The following TLK1 variants were observed in gnomAD, a reference collection of about 807,000 sequenced individuals.
TLK1 encodes tousled like kinase 1, also known as serine/threonine-protein kinase tousled-like 1.
TLK1 carries 24 observed loss-of-function variants against 105.3 expected under a neutral mutation model. The ratio of observed to expected loss-of-function variants is 0.23; its 90% confidence interval spans 0.17 to 0.32. The LOEUF is 0.32. Ranked by LOEUF, TLK1 falls within the 10% of genes least tolerant of loss-of-function variation. The pLI, the probability that TLK1 is intolerant of heterozygous loss-of-function variation, is 1.00. For missense variants in TLK1, 558 were observed against 910.5 expected, an observed-to-expected ratio of 0.61 and a Z score of 4.98; for synonymous variants, 321 against 310.4, an observed-to-expected ratio of 1.03 and a Z score of -0.36.
rs573856796 is a variant in TLK1 at position 171,036,396 on chromosome 2, A to C, written c.1170-7991T>G. Among the ~76,000 whole-genome samples, 414 of 152,200 alleles carry C rather than the reference A, an allele frequency of 2.7e-3. 1 individual carries two copies. Among genetic ancestry groups the C allele is most frequent in the Non-Finnish European group, 3.6e-3 (244 of 67,992 alleles). On this transcript the variant is annotated intron_variant, in intron 11 of 20. Transcript: ENST00000431350. ...AGAGCGAGACTCTGTCTCCCCCCCC[A>C]AAAAAAGCATAATTTCTAAAAAGTT...
At chr2:171,202,235 C>T (rs1378299585) in intron 1 of TLK1, among the ~76,000 whole-genome samples, 1 of 152,164 alleles carries the variant, frequency 6.6e-6, no homozygotes, top group African/African-American at 2.4e-5. Context: ...GAGGGCGGAT[C>T]ACCTGAGGTC....
intron 3 of TLK1, among the ~76,000 whole-genome samples, chr2:171,064,092 A>T (rs1337589413): frequency 1.3e-5 from 2 of 152,222 alleles, no homozygotes; most frequent in Non-Finnish European, 2.9e-5. Context: ...ACCAAAAAGC[A>T]AACGAATGCA....
intron 12 of TLK1, among the ~76,000 whole-genome samples, chr2:171,016,021 C>T (rs1485300703): frequency 1.3e-5 from 2 of 151,954 alleles, no homozygotes; most frequent in African/African-American, 2.4e-5. Context: ...GAAGTTGCAG[C>T]AAGCTGAGAT....
At chr2:171,171,417 C>A (rs1692723098) in intron 1 of TLK1, among the ~76,000 whole-genome samples, 2 of 150,394 alleles carry the variant, frequency 1.3e-5, no homozygotes, top group Non-Finnish European at 2.9e-5. Flanking sequence ...GTAGGTAGTC[C>A]TAGCTACTGA....
At chr2:171,097,329 A>T (rs898119296) in intron 2 of TLK1, among the ~76,000 whole-genome samples, 1 of 152,216 alleles carries the variant, frequency 6.6e-6, no homozygotes, top group African/African-American at 2.4e-5. Context: ...AAATCAACTC[A>T]AAATGAATTA....
chr2:171,048,459 T>C (rs999761066), intron 10 of TLK1, among the ~76,000 whole-genome samples: 5 of 152,220 alleles, frequency 3.3e-5, no homozygotes, highest in African/African-American at 9.6e-5. Context: ...CATGCTTTAA[T>C]CACCTTTCAT....
chr2:171,002,637 T>A (rs1438833106), intron 18 of TLK1, among the ~76,000 whole-genome samples: 1 of 152,026 alleles, frequency 6.6e-6, no homozygotes, highest in East Asian at 1.9e-4. Flanking sequence ...GCATTTTCTT[T>A]GTCCTTTTCT....
chr2:171,127,143 G>C (rs1690900061), intron 1 of TLK1, among the ~76,000 whole-genome samples: 1 of 151,732 alleles, frequency 6.6e-6, no homozygotes, highest in African/African-American at 2.4e-5. Flanking sequence ...CAGGCGTGGT[G>C]GTGCACACCT....
Position 171,144,545 on chromosome 2 carries a change from A to G in TLK1, c.139+15745T>C, listed in dbSNP as rs541381905. Among the ~76,000 whole-genome samples the G allele has an allele frequency of 9.8e-5, 15 of 152,322 alleles. No homozygotes were observed. The South Asian group carries it at 3.1e-3, about 32-fold the overall frequency. ...AAAATCGAGAAATTCACAAATATGC[A>G]GAAATTAACATATTCCTAAATAAAT... On this transcript the variant is annotated intron_variant, in intron 1 of 20. Coordinates refer to ENST00000431350, the MANE Select transcript of TLK1 (RefSeq NM_012290.5).
intron 12 of TLK1, among the ~76,000 whole-genome samples, chr2:171,024,661 T>C (rs1421739735): frequency 3.3e-5 from 5 of 152,168 alleles, no homozygotes; most frequent in South Asian, 4.1e-4. Flanking sequence ...GTCATTGAAA[T>C]AGGAGTGGGA....
chr2:171,187,018 A>G (rs1314277516), intron 1 of TLK1, among the ~76,000 whole-genome samples: 2 of 129,514 alleles, frequency 1.5e-5, no homozygotes, highest in Non-Finnish European at 3.2e-5. Context: ...AGATCATGCC[A>G]TTGCACTCCA....
intron 1 of TLK1, among the ~76,000 whole-genome samples, chr2:171,132,896 T>A (rs966953953): frequency 1.1e-4 from 16 of 152,084 alleles, no homozygotes; most frequent in Non-Finnish European, 1.9e-4. Flanking sequence ...AATCTAAATC[T>A]CAACTCCACC....
chr2:171,129,030 G>A (rs1425262973), intron 1 of TLK1, among the ~76,000 whole-genome samples: 1 of 152,068 alleles, frequency 6.6e-6, no homozygotes, highest in East Asian at 1.9e-4. Flanking sequence ...GAAAAACAGA[G>A]CATGTACTTG....
chr2:170,997,849 A>G, intron 18 of TLK1, 26 bp from the exon 19 acceptor site: 1 of 1,387,546 alleles, frequency 7.2e-7, no homozygotes, highest in South Asian at 1.3e-5. Flanking sequence ...GAGAGAAAAA[A>G]GGTTACTACT....
rs577230589 is a variant in TLK1 at position 171,140,248 on chromosome 2, T to C, written c.139+20042A>G. ...TAAAAATAAAAGCAAACAAGGACTT[T>C]CTCCTTCCAGTAATGGTGATCAGGT... On this transcript the variant is annotated intron_variant, in intron 1 of 20. Transcript: ENST00000431350. Among the ~76,000 whole-genome samples, 3 of 152,222 alleles carry C rather than the reference T, an allele frequency of 2.0e-5. No homozygotes were observed. The South Asian group carries it at 6.2e-4, about 32-fold the overall frequency.
In TLK1 at chr2:171,094,819, G is replaced by GCTGGT. The variant is rs561267911; in HGVS notation, c.259-11972_259-11968dup. Among the ~76,000 whole-genome samples, 20 of 152,216 alleles carry GCTGGT rather than the reference G, an allele frequency of 1.3e-4. 1 individual carries two copies. In the South Asian group the frequency reaches 4.1e-3, roughly 32 times the overall value. On this transcript the variant is annotated intron_variant, in intron 2 of 20. Transcript: ENST00000431350. Reference sequence around the variant, plus strand: ...GACAGGGTTTCACCATGTTGGTCAGGCTGGTCTCGAACTCCTGACCTCAGG... The same window carrying GCTGGT: ...GACAGGGTTTCACCATGTTGGTCAGGCTGGTCTGGTCTCGAACTCCTGACCTCAGG...
At chr2:171,035,545 T>C (rs1028361852) in intron 11 of TLK1, among the ~76,000 whole-genome samples, 7 of 152,172 alleles carry the variant, frequency 4.6e-5, no homozygotes, top group African/African-American at 1.7e-4. Context: ...AGCAAACTAA[T>C]ACAATGACTT....
At chr2:171,115,753 G>C (rs994012064) in intron 2 of TLK1, among the ~76,000 whole-genome samples, 1 of 151,970 alleles carries the variant, frequency 6.6e-6, no homozygotes, top group Non-Finnish European at 1.5e-5. Context: ...TCAAATTCAA[G>C]AATCAATGAA....
chr2:171,058,245 A>G (rs979890820), intron 4 of TLK1, 48 bp from the exon 5 acceptor site: 2 of 1,534,792 alleles, frequency 1.3e-6, no homozygotes, highest in Non-Finnish European at 1.8e-6. Context: ...GATGGGCATC[A>G]AAAAAATATT....
Sources: gnomAD v4.1 joint callset for allele counts (sites outside exome capture counted in the v4.1 genomes callset) on GRCh38, gnomAD v4.1.1 for gene constraint, MANE v1.5 for transcripts, NCBI Gene and HGNC (gene_info 2026-07-23, HGNC 2026-07-21) for gene names.